The following SLCO6A1 variants were observed in gnomAD, a reference collection of about 807,000 sequenced individuals.
SLCO6A1 encodes solute carrier organic anion transporter family member 6A1, also known as cancer/testis antigen 48.
In SLCO6A1, 65 loss-of-function variants were observed where a neutral mutation model predicts 72.7. That is an observed-to-expected ratio of 0.89 (90% CI 0.73 to 1.10). The LOEUF (loss-of-function observed/expected upper bound fraction) is 1.10, where lower values mean the gene tolerates loss of function less well. Ranked by LOEUF, SLCO6A1 falls within the 50% of genes least tolerant of loss-of-function variation. The pLI, the probability that SLCO6A1 is intolerant of heterozygous loss-of-function variation, is 0.00. For missense variants in SLCO6A1, 874 were observed against 872.6 expected, an observed-to-expected ratio of 1.00 and a Z score of -0.02; for synonymous variants, 314 against 298.2, an observed-to-expected ratio of 1.05 and a Z score of -0.55.
chr5:102,482,237 GGAGA>G (rs781179407), intron 1 of SLCO6A1, among the ~76,000 whole-genome samples: 17 of 151,992 alleles, frequency 1.1e-4, no homozygotes, highest in Non-Finnish European at 8.8e-5. Context: ...AAATAGGAAA[GGAGA>G]GAAAGAGAGA....
chr5:102,383,714 A>T (rs180886527), intron 12 of SLCO6A1, among the ~76,000 whole-genome samples: 2 of 151,992 alleles, frequency 1.3e-5, no homozygotes, highest in Admixed American at 1.3e-4. Flanking sequence ...GTCTCATAAA[A>T]TGAGTTTAGA....
intron 10 of SLCO6A1, among the ~76,000 whole-genome samples, chr5:102,394,725 G>A (rs1746966384): frequency 6.6e-6 from 1 of 151,960 alleles, no homozygotes; most frequent in Non-Finnish European, 1.5e-5. Context: ...AGAGAATGGT[G>A]AATATAGTAT....
At chr5:102,440,202 T>A (rs116096842) in intron 6 of SLCO6A1, among the ~76,000 whole-genome samples, 1,782 of 152,224 alleles carry the variant, frequency 0.012, 34 homozygotes, top group African/African-American at 0.04. Flanking sequence ...TTCTCCAGAC[T>A]TTGATCACTC....
chr5:102,488,220 G>C (rs1159124985), intron 1 of SLCO6A1, among the ~76,000 whole-genome samples: 1 of 151,920 alleles, frequency 6.6e-6, no homozygotes, highest in African/African-American at 2.4e-5. Flanking sequence ...AACTGACATA[G>C]GGTTAAATAA....
intron 6 of SLCO6A1, among the ~76,000 whole-genome samples, chr5:102,448,650 GT>G (rs1750248520): frequency 6.6e-6 from 1 of 151,956 alleles, no homozygotes; most frequent in Non-Finnish European, 1.5e-5. Flanking sequence ...TTTGATTATT[GT>G]TGGTTTAAAG....
chr5:102,447,057 C>T (rs1341400329), intron 6 of SLCO6A1, among the ~76,000 whole-genome samples: 2 of 152,188 alleles, frequency 1.3e-5, no homozygotes, highest in African/African-American at 4.8e-5. Flanking sequence ...CGGCCCTGTT[C>T]AAAGTTTTTA....
intron 4 of SLCO6A1, among the ~76,000 whole-genome samples, chr5:102,467,276 T>C (rs1751359294): frequency 6.6e-6 from 1 of 152,066 alleles, no homozygotes; most frequent in African/African-American, 2.4e-5. Context: ...AACATTATCC[T>C]GGTATAAGGA....
intron 2 of SLCO6A1, among the ~76,000 whole-genome samples, chr5:102,479,662 C>G (rs1009139410): frequency 7.9e-5 from 12 of 152,016 alleles, no homozygotes; most frequent in African/African-American, 2.9e-4. Context: ...TTCCCTTGCT[C>G]TCTTTCAAAT....
chr5:102,392,140 C>T (rs1174112615), intron 10 of SLCO6A1, among the ~76,000 whole-genome samples: 1 of 151,976 alleles, frequency 6.6e-6, no homozygotes, highest in African/African-American at 2.4e-5. Context: ...AAATACAGCA[C>T]ATACACAGTA....
At chr5:102,479,347 C>T (rs1183795054) in intron 2 of SLCO6A1, among the ~76,000 whole-genome samples, 1 of 152,098 alleles carries the variant, frequency 6.6e-6, no homozygotes, top group Non-Finnish European at 1.5e-5. Context: ...AACTGTGAGT[C>T]AATTAAATCT....
At chr5:102,378,857 C>A (rs557039819) in intron 12 of SLCO6A1, among the ~76,000 whole-genome samples, 2 of 152,108 alleles carry the variant, frequency 1.3e-5, no homozygotes, top group African/African-American at 2.4e-5. Flanking sequence ...CCTTGGCTCA[C>A]TGCAACCTCT....
intron 9 of SLCO6A1, among the ~76,000 whole-genome samples, chr5:102,410,204 A>G (rs60716706): frequency 0.023 from 3,548 of 152,154 alleles, 101 homozygotes; most frequent in African/African-American, 0.068. Flanking sequence ...TCCAGTGTTC[A>G]GCTCTCAGCA....
At chr5:102,450,766 C>A (rs1180904515) in intron 6 of SLCO6A1, among the ~76,000 whole-genome samples, 1 of 152,218 alleles carries the variant, frequency 6.6e-6, no homozygotes, top group Non-Finnish European at 1.5e-5. Context: ...GGGTGAAGCA[C>A]CTGTGTTGCA....
chr5:102,415,225 C>T (rs1748216624), intron 8 of SLCO6A1, among the ~76,000 whole-genome samples: 1 of 151,974 alleles, frequency 6.6e-6, no homozygotes, highest in African/African-American at 2.4e-5. Flanking sequence ...CATATACAAA[C>T]AAAACTAGAA....
chr5:102,485,425 A>T (rs1008888372), intron 1 of SLCO6A1, among the ~76,000 whole-genome samples: 1 of 152,166 alleles, frequency 6.6e-6, no homozygotes, highest in East Asian at 1.9e-4. Context: ...ATATTGTACC[A>T]GTTTGATCAC....
chr5:102,399,794 A>G (rs768189875), intron 9 of SLCO6A1, 52 bp from the exon 10 acceptor site: 16 of 1,298,146 alleles, frequency 1.2e-5, no homozygotes, highest in Non-Finnish European at 1.7e-5. Context: ...GTCATAAACA[A>G]AAGTTCTTAT....
intron 10 of SLCO6A1, among the ~76,000 whole-genome samples, chr5:102,396,763 A>C (rs1304790329): frequency 6.6e-6 from 1 of 152,066 alleles, no homozygotes; most frequent in Non-Finnish European, 1.5e-5. Context: ...TCTTCTCCCA[A>C]CTTCTTCCAA....
intron 10 of SLCO6A1, 105 bp from the exon 11 acceptor site, chr5:102,391,150 G>T: frequency 9.9e-7 from 1 of 1,011,252 alleles, no homozygotes; most frequent in Non-Finnish European, 1.5e-6. Flanking sequence ...TGCATCAATT[G>T]TACTAAGAAT....
intron 9 of SLCO6A1, among the ~76,000 whole-genome samples, chr5:102,401,396 T>C (rs1747391350): frequency 6.6e-6 from 1 of 152,088 alleles, no homozygotes; most frequent in Non-Finnish European, 1.5e-5. Context: ...TTTTTAGTGA[T>C]GTGAAGTCAT....
Sources: gnomAD v4.1 joint callset for allele counts (sites outside exome capture counted in the v4.1 genomes callset) on GRCh38, gnomAD v4.1.1 for gene constraint, MANE v1.5 for transcripts, NCBI Gene and HGNC (gene_info 2026-07-23, HGNC 2026-07-21) for gene names.